Variants in EPM2A observed in about 807,000 individuals in gnomAD.
EPM2A encodes the protein EPM2A glucan phosphatase, laforin.
Under a neutral mutation model 26.5 loss-of-function variants are expected in EPM2A, and 21 were observed. The ratio of observed to expected loss-of-function variants is 0.79; its 90% CI spans 0.56 to 1.14. The LOEUF (loss-of-function observed/expected upper bound fraction) is 1.14, where lower values mean the gene tolerates loss of function less well. Among genes scored for constraint, EPM2A ranks in the 50% most tolerant of loss-of-function variants. EPM2A has a pLI of 0.00. For missense variants in EPM2A, 458 were observed against 440.8 expected, an observed-to-expected ratio of 1.04 and a Z score of -0.35; for synonymous variants, 217 against 177.6, an observed-to-expected ratio of 1.22 and a Z score of -1.76.
At chr6:145,715,942 A>T (rs1775592516) in intron 1 of EPM2A, among the ~76,000 whole-genome samples, 1 of 152,222 alleles carries the variant, frequency 6.6e-6, no homozygotes, top group African/African-American at 2.4e-5. Context: ...AATAAATGTA[A>T]TGTGCTTGAA....
intron 2 of EPM2A, among the ~76,000 whole-genome samples, chr6:145,581,771 T>C (rs749601637): frequency 6.6e-6 from 1 of 152,226 alleles, no homozygotes; most frequent in Non-Finnish European, 1.5e-5. Context: ...CTTGTTTTTG[T>C]AAACTTTGTC....
chr6:145,668,721 T>C (rs1440693869), intron 2 of EPM2A, among the ~76,000 whole-genome samples: 4 of 152,154 alleles, frequency 2.6e-5, no homozygotes, highest in African/African-American at 9.7e-5. Context: ...ATCTATAGCA[T>C]GAGGGGACAC....
At chr6:145,631,968 A>G (rs1001849640) in intron 3 of EPM2A, 2 of 151,476 alleles carry the variant, frequency 1.3e-5, no homozygotes. Context: ...ATTTTTTTCC[A>G]TCTTTGAAGT....
intron 2 of EPM2A, among the ~76,000 whole-genome samples, chr6:145,562,967 G>A (rs1368686139): frequency 1.3e-5 from 2 of 151,172 alleles, no homozygotes; most frequent in African/African-American, 2.4e-5. Flanking sequence ...ACTCAAAACT[G>A]GTTTCAATGT....
chr6:145,690,021 T>A (rs1388230771), intron 1 of EPM2A, among the ~76,000 whole-genome samples: 1 of 151,996 alleles, frequency 6.6e-6, no homozygotes, highest in South Asian at 2.1e-4. Flanking sequence ...AACAAGGCAT[T>A]CCTCCCTGTC....
intron 4 of EPM2A, among the ~76,000 whole-genome samples, chr6:145,455,604 C>A (rs951229719): frequency 1.3e-5 from 2 of 152,162 alleles, no homozygotes; most frequent in Non-Finnish European, 2.9e-5. Context: ...GTGATCCACC[C>A]GCCTCGGCAT....
At chr6:145,680,085 G>A (rs921594396) in intron 2 of EPM2A, 1 of 152,006 alleles carries the variant, frequency 6.6e-6, no homozygotes, top group Non-Finnish European at 1.5e-5. Context: ...TCATTTACCT[G>A]AAGTTAAGTA....
At chr6:145,696,593 CAAAT>C (rs2128621989) in intron 1 of EPM2A, among the ~76,000 whole-genome samples, 1 of 151,840 alleles carries the variant, frequency 6.6e-6, no homozygotes, top group East Asian at 1.9e-4. Flanking sequence ...ATTATAAAGA[CAAAT>C]AAGTAACCCA....
intron 2 of EPM2A, among the ~76,000 whole-genome samples, chr6:145,578,332 A>G (rs1781063335): frequency 6.6e-6 from 1 of 152,126 alleles, no homozygotes; most frequent in Non-Finnish European, 1.5e-5. Flanking sequence ...GAGCCAAATA[A>G]ATAAAACTAG....
intron 4 of EPM2A, chr6:145,491,051 A>G: frequency 1.2e-6 from 1 of 832,448 alleles, no homozygotes. Flanking sequence ...CTGATTCTGC[A>G]GATGGCAATG....
At chr6:145,573,396 T>G (rs549101395) in intron 2 of EPM2A, among the ~76,000 whole-genome samples, 62 of 152,370 alleles carry the variant, frequency 4.1e-4, no homozygotes, top group African/African-American at 1.4e-3. Flanking sequence ...GGAGATGTGT[T>G]AATTTGCTCA....
At chr6:145,727,901 G>A (rs1776291273) in intron 1 of EPM2A, among the ~76,000 whole-genome samples, 2 of 152,178 alleles carry the variant, frequency 1.3e-5, no homozygotes, top group Admixed American at 1.3e-4. Context: ...AATGTTGAAG[G>A]AGGGGCCTGG....
intron 4 of EPM2A, among the ~76,000 whole-genome samples, chr6:145,398,468 T>C (rs1778437127): frequency 1.3e-5 from 2 of 152,214 alleles, no homozygotes; most frequent in Non-Finnish European, 2.9e-5. Context: ...AATGACATGA[T>C]AATTATTTAG....
At chr6:145,603,903 A>G (rs1781449018) in intron 2 of EPM2A, among the ~76,000 whole-genome samples, 1 of 152,174 alleles carries the variant, frequency 6.6e-6, no homozygotes, top group Non-Finnish European at 1.5e-5. Context: ...TATTCTAGAG[A>G]TGATCTCTTA....
intron 2 of EPM2A, among the ~76,000 whole-genome samples, chr6:145,615,694 C>T (rs1342330060): frequency 6.6e-6 from 1 of 151,900 alleles, no homozygotes; most frequent in African/African-American, 2.4e-5. Flanking sequence ...CAATGAAATC[C>T]AAGCTGAGGT....
At chr6:145,592,495 G>T (rs1252024476) in intron 2 of EPM2A, among the ~76,000 whole-genome samples, 1 of 152,114 alleles carries the variant, frequency 6.6e-6, no homozygotes, top group Non-Finnish European at 1.5e-5. Context: ...CTTTATAGCA[G>T]CATGATTTAT....
In EPM2A at chr6:145,625,730, C is replaced by A. The variant is rs779855994; in HGVS notation, c.*1686G>T. ...AATGTGTCCTGGCTAGCTGCCTCTGCCCAAAGCAAATGTCATCTCCCCTAA... is the reference window on the plus strand; with the variant it reads ...AATGTGTCCTGGCTAGCTGCCTCTGACCAAAGCAAATGTCATCTCCCCTAA... On this transcript the variant is annotated 3_prime_UTR_variant, in exon 4 of 4. Coordinates refer to ENST00000367519, the MANE Select transcript of EPM2A (RefSeq NM_005670.4). 1.1e-6 allele frequency: 1 copy of A among 896,130 alleles called. No individual in the cohort carries two copies. The highest frequency in any genetic ancestry group is 1.9e-6 in the Non-Finnish European group (1 of 526,246). The allele number at this position is 896,130 out of a possible 1,614,324, so 55.5% of individuals were successfully genotyped here. A position where few individuals can be genotyped will look rare whatever the true frequency, so the allele number is the denominator to read the frequency against.
intron 2 of EPM2A, among the ~76,000 whole-genome samples, chr6:145,596,382 A>G (rs1317720279): frequency 6.6e-6 from 1 of 152,168 alleles, no homozygotes; most frequent in Non-Finnish European, 1.5e-5. Context: ...ATATGCATCT[A>G]ATACATATTG....
intron 1 of EPM2A, among the ~76,000 whole-genome samples, chr6:145,700,753 T>C (rs1170200598): frequency 6.6e-6 from 1 of 152,170 alleles, no homozygotes; most frequent in East Asian, 1.9e-4. Context: ...GCTAGCTAGG[T>C]AAACATGCAT....
Sources: gnomAD v4.1 joint callset for allele counts (sites outside exome capture counted in the v4.1 genomes callset) on GRCh38, gnomAD v4.1.1 for gene constraint, MANE v1.5 for transcripts, NCBI Gene and HGNC (gene_info 2026-07-23, HGNC 2026-07-21) for gene names.